GTPBP4: variants seen among roughly 807,000 people sequenced by gnomAD.
GTPBP4 encodes GTP binding protein 4.
Under a neutral mutation model 81.7 loss-of-function variants are expected in GTPBP4, and 15 were observed. The observed-to-expected ratio is 0.18, with a 90% confidence interval of 0.12 to 0.28. GTPBP4 has a LOEUF of 0.28. GTPBP4 is among the 10% of genes least tolerant of loss of function. The probability of loss-of-function intolerance (pLI) is 1.00; values close to 1 mark genes in which losing one functional copy is unlikely to be tolerated. For missense variants in GTPBP4, 847 were observed against 793.8 expected, an observed-to-expected ratio of 1.07 and a Z score of -0.81; for synonymous variants, 272 against 274.6, an observed-to-expected ratio of 0.99 and a Z score of 0.09.
intron 1 of GTPBP4, among the ~76,000 whole-genome samples, chr10:990,109 G>A (rs1024724227): frequency 8.5e-5 from 13 of 152,158 alleles, no homozygotes; most frequent in Non-Finnish European, 1.5e-4. Flanking sequence ...CAGGTTTGTT[G>A]AAGGAATTTG....
intron 8 of GTPBP4, among the ~76,000 whole-genome samples, chr10:1,003,787 G>A (rs1005672237): frequency 1.1e-4 from 17 of 152,066 alleles, no homozygotes; most frequent in African/African-American, 3.6e-4. Flanking sequence ...TGTTTTTCCC[G>A]CAATGGGGGA....
rs1401524867 is a variant in GTPBP4 at position 1,019,565 on chromosome 10, C to T, written c.*2338C>T. 6.2e-7 allele frequency: 1 copy of T among 1,613,846 alleles called. No individual in the cohort carries two copies. The highest frequency in any genetic ancestry group is 8.5e-7 in the Non-Finnish European group (1 of 1,179,942). ...GCTCCACAAACGGGGTCACGTCATCCAGGTGAGGCCACCACCGGTACAGAA... is the reference window on the plus strand; with the variant it reads ...GCTCCACAAACGGGGTCACGTCATCTAGGTGAGGCCACCACCGGTACAGAA... On this transcript the variant is annotated 3_prime_UTR_variant, in exon 17 of 17. Coordinates refer to ENST00000360803, the MANE Select transcript of GTPBP4 (RefSeq NM_012341.3).
intron 14 of GTPBP4, among the ~76,000 whole-genome samples, chr10:1,013,763 C>A (rs147260194): frequency 7.5e-4 from 114 of 152,340 alleles, no homozygotes; most frequent in African/African-American, 2.5e-3. Flanking sequence ...CCAGAGAAGT[C>A]ACTTGACATT....
chr10:1,009,871 T>G (rs923229554), intron 12 of GTPBP4, among the ~76,000 whole-genome samples: 1 of 152,222 alleles, frequency 6.6e-6, no homozygotes, highest in Non-Finnish European at 1.5e-5. Context: ...GGCATGTGCC[T>G]GTAGTTCCAG....
intron 8 of GTPBP4, among the ~76,000 whole-genome samples, chr10:1,005,359 G>A (rs1831709067): frequency 6.6e-6 from 1 of 152,018 alleles, no homozygotes. Context: ...GTTAGCCAGG[G>A]TGACCTTGAC....
intron 16 of GTPBP4, 142 bp from the exon 17 acceptor site, chr10:1,016,933 C>G (rs991562154): frequency 1.3e-5 from 8 of 607,738 alleles, no homozygotes; most frequent in Admixed American, 3.1e-5. Context: ...CTGTGCTGGG[C>G]TTAAGAGAAA....
In GTPBP4 at chr10:995,998, G is replaced by C; in HGVS notation, c.289G>C (p.Gly97Arg). Residue 97 changes from glycine to arginine, a missense_variant, in exon 3 of 17, where the codon GGG becomes CGG. Gly to Arg is a moderately radical substitution (Grantham distance 125). Transcript: ENST00000360803. ...YDKDHYKLAL[G>R]QINIAKNLVD... Reference sequence around the variant, plus strand: ...CAAGGATCATTACAAGTTGGCTCTGGGGCAAATAAATATTGCCAAAAATTT... The same window carrying C: ...CAAGGATCATTACAAGTTGGCTCTGCGGCAAATAAATATTGCCAAAAATTT... 6.2e-7 allele frequency: 1 copy of C among 1,610,832 alleles called. No individual in the cohort carries two copies. Among genetic ancestry groups the C allele is most frequent in the Non-Finnish European group, 8.5e-7 (1 of 1,177,084 alleles).
intron 1 of GTPBP4, among the ~76,000 whole-genome samples, chr10:992,083 G>A (rs1172964106): frequency 5.3e-5 from 8 of 151,038 alleles, no homozygotes; most frequent in Non-Finnish European, 1.0e-4. Flanking sequence ...AAAATATGTA[G>A]TACTGTAAGA....
intron 1 of GTPBP4, among the ~76,000 whole-genome samples, chr10:990,285 TAA>T (rs879438760): frequency 6.8e-6 from 1 of 146,384 alleles, no homozygotes; most frequent in Non-Finnish European, 1.5e-5. Flanking sequence ...TGATTGGAAG[TAA>T]AAAAAAAAAA....
Position 992,615 on chromosome 10 carries a change from C to A in GTPBP4, c.175C>A (p.His59Asn). The change falls in exon 2 of 17, where the codon CAT becomes AAT. Residue 59 changes from histidine to asparagine, a missense_variant. Transcript: ENST00000360803. ...RKVKFTQQNY[H>N]DRLSQILTDF... ...AGTCAAATTTACTCAACAGAATTAC[C>A]ATGATAGACTTTCACAAATTCTAAC... The A allele has an allele frequency of 1.2e-6, 2 of 1,606,668 alleles. No individual in the cohort carries two copies. The highest frequency in any genetic ancestry group is 1.7e-6 in the Non-Finnish European group (2 of 1,174,124).
chr10:1,013,100 C>T (rs1405735401), intron 14 of GTPBP4, among the ~76,000 whole-genome samples: 2 of 151,892 alleles, frequency 1.3e-5, no homozygotes, highest in African/African-American at 4.8e-5. Flanking sequence ...TCTCCTGCCT[C>T]AGCCTCCCGA....
At chr10:998,142 C>T (rs1379154434) in intron 5 of GTPBP4, among the ~76,000 whole-genome samples, 1 of 152,078 alleles carries the variant, frequency 6.6e-6, no homozygotes, top group Non-Finnish European at 1.5e-5. Context: ...CTCTGTTGCC[C>T]AGGCTGAAGT....
intron 16 of GTPBP4, 118 bp from the exon 17 acceptor site, chr10:1,016,957 G>C: frequency 1.4e-6 from 1 of 697,276 alleles, no homozygotes; most frequent in Non-Finnish European, 2.4e-6. Flanking sequence ...GATGTAACAG[G>C]GTCTCTTCGC....
At chr10:992,267 G>A (rs1372810873) in intron 1 of GTPBP4, among the ~76,000 whole-genome samples, 2 of 151,602 alleles carry the variant, frequency 1.3e-5, no homozygotes, top group Admixed American at 6.6e-5. Context: ...GGGTGTGGTG[G>A]CACGCGCCTG....
At position 1,007,144 on chromosome 10, in the gene GTPBP4, G is replaced by T; in HGVS notation, c.1113+16G>T. 2 of 1,368,874 alleles carry T rather than the reference G, an allele frequency of 1.5e-6. No homozygotes were observed. The highest frequency in any genetic ancestry group is 2.3e-5 in the East Asian group (1 of 43,762). 84.8% of individuals were successfully genotyped at this position (1,368,874 alleles called of 1,614,324 possible). On this transcript the variant is annotated intron_variant, in intron 10 of 16. Coordinates refer to ENST00000360803, the MANE Select transcript of GTPBP4 (RefSeq NM_012341.3). ...GGACGATAAGGTAAGACGGCCCCTG[G>T]GACAGCCGTGGGCTCACAGTACTGT...
chr10:988,565 T>A, intron 1 of GTPBP4, 38 bp downstream of exon 1: 1 of 1,526,666 alleles, frequency 6.6e-7, no homozygotes, highest in Non-Finnish European at 9.1e-7. Context: ...ACTTTCGCGT[T>A]CTCCTCAGCT....
At position 988,540 on chromosome 10, in the gene GTPBP4, G is replaced by C. The variant is rs1033766864; in HGVS notation, c.48+13G>C. 4 of 1,604,386 alleles carry C rather than the reference G, an allele frequency of 2.5e-6. No individual in the cohort carries two copies. The highest frequency in any genetic ancestry group is 2.7e-5 in the African/African-American group (2 of 74,772). On this transcript the variant is annotated intron_variant, in intron 1 of 16. Transcript: ENST00000360803. Reference sequence around the variant, plus strand: ...GCCGTCCGCCAAGGTAGGCGGCCCCGGGAGGGCCACTGCAACTTTCGCGTT... The same window carrying C: ...GCCGTCCGCCAAGGTAGGCGGCCCCCGGAGGGCCACTGCAACTTTCGCGTT...
Position 1,012,471 on chromosome 10 carries a change from G to A in GTPBP4, c.1351G>A (p.Glu451Lys). The A allele has an allele frequency of 1.3e-6, 2 of 1,593,688 alleles. No individual in the cohort carries two copies. The highest frequency in any genetic ancestry group is 1.7e-6 in the Non-Finnish European group (2 of 1,171,566). ...YIDPAIMKKL[E>K]ELEKEEELRT... ...TACAACTCCATTTTTAAAGAAATTG[G>A]AAGAATTAGAAAAAGAAGAAGAGCT... Residue 451 changes from glutamate to lysine, a missense_variant, in exon 14 of 17, where the codon GAA becomes AAA. Glu to Lys is a moderately conservative substitution (Grantham distance 56). This residue lies in a region of GTPBP4 where 600 missense variants were observed against 557.1 expected (regional missense o/e 1.08). Coordinates refer to ENST00000360803, the MANE Select transcript of GTPBP4 (RefSeq NM_012341.3).
In GTPBP4 at chr10:995,989, T is replaced by C. The variant is rs146850304; in HGVS notation, c.280T>C (p.Leu94=). The change falls in exon 3 of 17, where the codon TTG becomes CTG. Residue 94 remains leucine (L), a synonymous_variant. Coordinates refer to ENST00000360803, the MANE Select transcript of GTPBP4 (RefSeq NM_012341.3). The part of the protein sequence containing the change: ...NILYDKDHYK[L]ALGQINIAKN... ...TCTCTACGACAAGGATCATTACAAG[T>C]TGGCTCTGGGGCAAATAAATATTGC... 1.6e-5 allele frequency: 26 copies of C among 1,612,002 alleles called. No individual in the cohort carries two copies. The highest frequency in any genetic ancestry group is 2.1e-5 in the Non-Finnish European group (25 of 1,178,132).
Sources: gnomAD v4.1 joint callset for allele counts (sites outside exome capture counted in the v4.1 genomes callset) on GRCh38, gnomAD v4.1.1 for gene constraint, gnomAD v4.1.1 regional missense constraint, MANE v1.5 for transcripts, NCBI Gene and HGNC (gene_info 2026-07-23, HGNC 2026-07-21) for gene names.